The following KCNK3 variants were observed in gnomAD, a reference collection of about 807,000 sequenced individuals.
KCNK3 encodes potassium two pore domain channel subfamily K member 3.
In KCNK3, 9 loss-of-function variants were observed where a neutral mutation model predicts 27.3. The ratio of observed to expected loss-of-function variants is 0.33; its 90% confidence interval spans 0.20 to 0.57. The LOEUF (loss-of-function observed/expected upper bound fraction) is 0.57. KCNK3 is among the 20% of genes least tolerant of loss of function. The probability of loss-of-function intolerance (pLI) is 0.87; values close to 1 mark genes in which losing one functional copy is unlikely to be tolerated. For synonymous variants in KCNK3, 278 were observed against 273.8 expected, an observed-to-expected ratio of 1.02 and a Z score of -0.15; for missense variants, 391 against 577.7, an observed-to-expected ratio of 0.68 and a Z score of 3.31.
At chr2:26,697,172 C>T (rs997787377) in intron 1 of KCNK3, among the ~76,000 whole-genome samples, 1 of 152,172 alleles carries the variant, frequency 6.6e-6, no homozygotes, top group African/African-American at 2.4e-5. Flanking sequence ...CTCTCCTGCC[C>T]TGAATTTTTC....
chr2:26,704,228 A>G (rs926386998), intron 1 of KCNK3, among the ~76,000 whole-genome samples: 3 of 152,038 alleles, frequency 2.0e-5, no homozygotes, highest in Non-Finnish European at 4.4e-5. Flanking sequence ...TGGAGCTCAC[A>G]CCAAGTACAG....
At chr2:26,694,075 G>C (rs946550894) in intron 1 of KCNK3, among the ~76,000 whole-genome samples, 1 of 152,112 alleles carries the variant, frequency 6.6e-6, no homozygotes, top group Non-Finnish European at 1.5e-5. Flanking sequence ...CTGTCCAGAC[G>C]GGAATAACAC....
intron 1 of KCNK3, among the ~76,000 whole-genome samples, chr2:26,725,120 C>T (rs375787990): frequency 2.0e-5 from 3 of 152,176 alleles, no homozygotes; most frequent in East Asian, 3.9e-4. Flanking sequence ...GACAAGGGAG[C>T]AGTGGTGGCA....
intron 1 of KCNK3, among the ~76,000 whole-genome samples, chr2:26,711,956 G>T (rs781300871): frequency 3.9e-5 from 6 of 152,146 alleles, no homozygotes; most frequent in Non-Finnish European, 8.8e-5. Flanking sequence ...AGGCTGCCCA[G>T]CTTGGAGCTC....
chr2:26,714,771 A>G (rs1663197922), intron 1 of KCNK3, among the ~76,000 whole-genome samples: 1 of 148,180 alleles, frequency 6.7e-6, no homozygotes, highest in Non-Finnish European at 1.5e-5. Context: ...CTGTAATTCC[A>G]GCTACTCAGG....
chr2:26,702,618 G>A (rs1394790874), intron 1 of KCNK3, among the ~76,000 whole-genome samples: 1 of 152,190 alleles, frequency 6.6e-6, no homozygotes, highest in East Asian at 1.9e-4. Flanking sequence ...ACTGCCTCAA[G>A]AGGTAGTGAG....
At chr2:26,716,057 C>A (rs1663225267) in intron 1 of KCNK3, among the ~76,000 whole-genome samples, 1 of 152,238 alleles carries the variant, frequency 6.6e-6, no homozygotes, top group African/African-American at 2.4e-5. Flanking sequence ...CAGAGAGGGG[C>A]AGCGTCTTGC....
At chr2:26,698,066 C>A (rs1201567487) in intron 1 of KCNK3, among the ~76,000 whole-genome samples, 1 of 152,198 alleles carries the variant, frequency 6.6e-6, no homozygotes, top group Admixed American at 6.5e-5. Flanking sequence ...AGAAGCCAGG[C>A]CTTCCAGTGC....
At chr2:26,726,398 A>T (rs1663421403) in intron 1 of KCNK3, among the ~76,000 whole-genome samples, 1 of 152,214 alleles carries the variant, frequency 6.6e-6, no homozygotes, top group South Asian at 2.1e-4. Context: ...CACTCAAATA[A>T]GGCAGAGATC....
chr2:26,704,780 G>A (rs1670351830), intron 1 of KCNK3, among the ~76,000 whole-genome samples: 1 of 152,250 alleles, frequency 6.6e-6, no homozygotes, highest in African/African-American at 2.4e-5. Context: ...AGATGGATCT[G>A]CCCTGGACTG....
intron 1 of KCNK3, among the ~76,000 whole-genome samples, chr2:26,720,886 C>T: frequency 6.6e-6 from 1 of 152,174 alleles, no homozygotes; most frequent in East Asian, 1.9e-4. Context: ...GGTCCCACCC[C>T]TACCCCAGCT....
intron 1 of KCNK3, among the ~76,000 whole-genome samples, chr2:26,705,248 TG>T (rs1477804776): frequency 1.3e-5 from 2 of 152,186 alleles, no homozygotes; most frequent in African/African-American, 4.8e-5. Flanking sequence ...TGTGAGCCAC[TG>T]CATGTGGCCT....
At chr2:26,726,685 T>C (rs1365937758) in intron 1 of KCNK3, among the ~76,000 whole-genome samples, 1 of 148,552 alleles carries the variant, frequency 6.7e-6, no homozygotes, top group Non-Finnish European at 1.5e-5. Context: ...AGGGTCATTT[T>C]CCCTCCAGTT....
chr2:26,693,214 AGTC>A lies in KCNK3; in HGVS notation c.283+60_283+62del. ...CCAGGGCTGGGCGCGGGGCTCCGGG[AGTC>A]GTCCGGGGCCGGCTGGGGCTGGGGG... On this transcript the variant is annotated intron_variant, in intron 1 of 1. Coordinates refer to ENST00000302909, the MANE Select transcript of KCNK3 (RefSeq NM_002246.3). The surrounding 1 kb of genome is among the most constrained non-coding windows in gnomAD (Gnocchi z 5.5). 1.5e-6 allele frequency: 1 copy of A among 677,826 alleles called. No homozygotes were observed. Among genetic ancestry groups the A allele is most frequent in the Non-Finnish European group, 2.0e-6 (1 of 501,766 alleles). The allele number at this position is 677,826 out of a possible 1,614,324, so 42.0% of individuals were successfully genotyped here.
At chr2:26,712,417 A>G (rs769473579) in intron 1 of KCNK3, among the ~76,000 whole-genome samples, 1 of 152,144 alleles carries the variant, frequency 6.6e-6, no homozygotes, top group Non-Finnish European at 1.5e-5. Flanking sequence ...TTAGCCTCCT[A>G]GAAGAGTCTG....
intron 1 of KCNK3, among the ~76,000 whole-genome samples, chr2:26,718,184 C>T (rs1342159953): frequency 6.6e-6 from 1 of 152,152 alleles, no homozygotes; most frequent in Non-Finnish European, 1.5e-5. Flanking sequence ...AGTGGATCCA[C>T]CTGCCCCCAT....
At chr2:26,711,019 C>G (rs902266915) in intron 1 of KCNK3, among the ~76,000 whole-genome samples, 3 of 152,200 alleles carry the variant, frequency 2.0e-5, no homozygotes, top group Admixed American at 1.3e-4. Flanking sequence ...AAATGTGCCC[C>G]CTCCCTCACG....
chr2:26,709,808 G>A (rs986675672), intron 1 of KCNK3, among the ~76,000 whole-genome samples: 3 of 152,162 alleles, frequency 2.0e-5, no homozygotes, highest in East Asian at 3.9e-4. Flanking sequence ...CCAGCAAGGC[G>A]ATGGGCGCAG....
intron 1 of KCNK3, among the ~76,000 whole-genome samples, chr2:26,695,595 T>C (rs370819860): frequency 1.3e-5 from 2 of 152,184 alleles, no homozygotes; most frequent in East Asian, 1.9e-4. Flanking sequence ...TCAACCTCCA[T>C]GTGGGCAGGT....
Sources: gnomAD v4.1 joint callset for allele counts (sites outside exome capture counted in the v4.1 genomes callset) on GRCh38, gnomAD v4.1.1 for gene constraint, Gnocchi (gnomAD v3.1) non-coding constraint, MANE v1.5 for transcripts, NCBI Gene and HGNC (gene_info 2026-07-23, HGNC 2026-07-21) for gene names.